RCC2: variants seen among roughly 807,000 people sequenced by gnomAD.
The protein encoded by RCC2 is regulator of chromosome condensation 2.
In RCC2, 19 loss-of-function variants were observed where a neutral mutation model predicts 64.1. The ratio of observed to expected loss-of-function variants is 0.30; its 90% confidence interval spans 0.21 to 0.44. The LOEUF is 0.44. Ranked by LOEUF, RCC2 falls within the 20% of genes least tolerant of loss-of-function variation. RCC2 has a pLI of 1.00. For synonymous variants in RCC2, 325 were observed against 279.6 expected (o/e 1.16, Z -1.62); for missense variants, 508 against 710.4 (o/e 0.72, Z 3.24).
chr1:17,430,739 G>A (rs550799677), intron 2 of RCC2, among the ~76,000 whole-genome samples: 2 of 151,602 alleles, frequency 1.3e-5, no homozygotes, highest in African/African-American at 4.8e-5. Flanking sequence ...AGTAAGCTGA[G>A]ATTGCACCAT....
intron 3 of RCC2, among the ~76,000 whole-genome samples, chr1:17,426,611 C>T (rs1168116528): frequency 6.6e-6 from 1 of 152,146 alleles, no homozygotes; most frequent in Non-Finnish European, 1.5e-5. Flanking sequence ...CCACCCAGGG[C>T]TAAAGCTGTA....
chr1:17,425,951 G>A (rs1013107781), intron 3 of RCC2, among the ~76,000 whole-genome samples: 2 of 152,150 alleles, frequency 1.3e-5, no homozygotes, highest in African/African-American at 2.4e-5. Flanking sequence ...TTCGGCCCCA[G>A]CCCCCTCTCT....
In RCC2 at chr1:17,407,627, G is replaced by A. The variant is rs941161872; in HGVS notation, c.*1463C>T. The A allele has an allele frequency of 5.2e-5, 8 of 152,420 alleles. No individual in the cohort carries two copies. Among genetic ancestry groups the A allele is most frequent in the African/African-American group, 1.9e-4 (8 of 41,378 alleles). The allele number at this position is 152,420 out of a possible 1,614,324, so 9.4% of individuals were successfully genotyped here. A position where few individuals can be genotyped will look rare whatever the true frequency, so the allele number is the denominator to read the frequency against. On this transcript the variant is annotated 3_prime_UTR_variant, in exon 13 of 13. Coordinates refer to ENST00000375436, the MANE Select transcript of RCC2 (RefSeq NM_018715.4). ...AGTCACGGTAAGGAGCGACTGGGGT[G>A]GAAAATAGGGAAAAAAGCAACAACA...
chr1:17,429,023 A>C (rs2075647188), intron 3 of RCC2, 83 bp downstream of exon 3: 2 of 1,058,874 alleles, frequency 1.9e-6, no homozygotes, highest in Admixed American at 1.7e-5. Context: ...TTGTAAATGA[A>C]GGGAATACCT....
intron 2 of RCC2, among the ~76,000 whole-genome samples, chr1:17,434,254 T>C (rs895152023): frequency 1.3e-5 from 2 of 152,206 alleles, no homozygotes; most frequent in African/African-American, 4.8e-5. Flanking sequence ...GATGGGGCAG[T>C]GGGAGCCTAG....
chr1:17,416,945 AG>A (rs2075493432), intron 7 of RCC2, among the ~76,000 whole-genome samples: 1 of 152,220 alleles, frequency 6.6e-6, no homozygotes, highest in Non-Finnish European at 1.5e-5. Context: ...ATTCCAGGTA[AG>A]GTATTATACG....
intron 2 of RCC2, among the ~76,000 whole-genome samples, chr1:17,437,631 T>C (rs2075750053): frequency 2.2e-4 from 1 of 4,478 alleles, no homozygotes; most frequent in Admixed American, 2.3e-3. Context: ...CGAGCACCGC[T>C]CAGCCGGGGG....
chr1:17,416,859 C>G (rs544948788), intron 7 of RCC2, among the ~76,000 whole-genome samples: 1 of 152,278 alleles, frequency 6.6e-6, no homozygotes, highest in African/African-American at 2.4e-5. Flanking sequence ...GAGCTAAGAC[C>G]AGTTATTTTT....
rs1024717257 is a variant in RCC2 at position 17,416,737 on chromosome 1, A to G, written c.860-91T>C. On this transcript the variant is annotated intron_variant, in intron 7 of 12. Transcript: ENST00000375436. ...CACGGACTCTGTAGTGAGCCCCGGC[A>G]GCACCCCAATCTGGCCCTTCTGGGC... 2.2e-6 allele frequency: 3 copies of G among 1,374,916 alleles called. No individual in the cohort carries two copies. In the African/African-American group the frequency reaches 4.3e-5, roughly 20 times the overall value. The allele number at this position is 1,374,916 out of a possible 1,614,324, so 85.2% of individuals were successfully genotyped here. A position where few individuals can be genotyped will look rare whatever the true frequency, so the allele number is the denominator to read the frequency against.
At chr1:17,437,959 C>T (rs1047604226) in intron 2 of RCC2, among the ~76,000 whole-genome samples, 4 of 146,196 alleles carry the variant, frequency 2.7e-5, no homozygotes, top group Non-Finnish European at 6.1e-5. Context: ...TTCGGCCGCC[C>T]CTCCCCCGCC....
intron 10 of RCC2, 114 bp downstream of exon 10, chr1:17,412,959 C>T: frequency 2.7e-6 from 2 of 742,724 alleles, no homozygotes; most frequent in Non-Finnish European, 2.3e-6. Context: ...CTGCTGAGGA[C>T]AGCCCAACAG....
chr1:17,409,947 C>T (rs774817750), intron 12 of RCC2, 27 bp downstream of exon 12: 27 of 1,601,464 alleles, frequency 1.7e-5, no homozygotes, highest in East Asian at 8.9e-5. Context: ...GACACGTCCC[C>T]GAGCTGGCAC....
At chr1:17,423,890 T>C (rs1444558148) in intron 4 of RCC2, among the ~76,000 whole-genome samples, 1 of 152,210 alleles carries the variant, frequency 6.6e-6, no homozygotes, top group Non-Finnish European at 1.5e-5. Flanking sequence ...GGAGAAGGCT[T>C]GCAGGAGCAG....
chr1:17,437,651 A>G (rs1489365957), intron 2 of RCC2, among the ~76,000 whole-genome samples: 1 of 4,282 alleles, frequency 2.3e-4, no homozygotes, highest in African/African-American at 1.8e-3. Context: ...GGCTTCCCCG[A>G]CCTCGGGGGA....
intron 3 of RCC2, among the ~76,000 whole-genome samples, chr1:17,427,738 G>A (rs1557631074): frequency 6.6e-6 from 1 of 152,070 alleles, no homozygotes; most frequent in Non-Finnish European, 1.5e-5. Flanking sequence ...TTTCCCTGCA[G>A]TGCCCAGGAT....
rs2075377189 is a variant in RCC2 at position 17,407,675 on chromosome 1, A to C, written c.*1415T>G. ...ACAACTACATCATTTTTGGCATTTT[A>C]ACATGGAGACAGTGACAAGTGGTAA... On this transcript the variant is annotated 3_prime_UTR_variant, in exon 13 of 13. Coordinates refer to ENST00000375436, the MANE Select transcript of RCC2 (RefSeq NM_018715.4). 6.6e-6 allele frequency: 1 copy of C among 152,648 alleles called. No individual in the cohort carries two copies. The highest frequency in any genetic ancestry group is 1.5e-5 in the Non-Finnish European group (1 of 68,028). 9.5% of individuals were successfully genotyped at this position (152,648 alleles called of 1,614,324 possible). A position where few individuals can be genotyped will look rare whatever the true frequency, so the allele number is the denominator to read the frequency against.
chr1:17,425,667 C>A lies in RCC2; in HGVS notation c.397G>T (p.Gly133Cys). 1 of 1,612,426 alleles carries A rather than the reference C, an allele frequency of 6.2e-7. No homozygotes were observed. Among genetic ancestry groups the A allele is most frequent in the Non-Finnish European group, 8.5e-7 (1 of 1,178,786 alleles). Residue 133 changes from glycine to cysteine, a missense_variant, in exon 4 of 13, where the codon GGT becomes TGT. Coordinates refer to ENST00000375436, the MANE Select transcript of RCC2 (RefSeq NM_018715.4). ...PKQQAAYRNL[G>C]QNLWGPHRYG... ...CTGTGGGGCCCCCACAAATTCTGACCGAGATTGCGGTAAGCAGCTGCAGAG... is the reference window on the plus strand; with the variant it reads ...CTGTGGGGCCCCCACAAATTCTGACAGAGATTGCGGTAAGCAGCTGCAGAG...
chr1:17,409,249 G>T lies in RCC2; in HGVS notation c.1465-55C>A. On this transcript the variant is annotated intron_variant, in intron 12 of 12. Coordinates refer to ENST00000375436, the MANE Select transcript of RCC2 (RefSeq NM_018715.4). ...CTGAGGCGCCTGGACTAATCAATGC[G>T]TTGAAGAGACTCTGGAAACTGGGCT... 2.7e-6 allele frequency: 3 copies of T among 1,118,942 alleles called. No individual in the cohort carries two copies. The East Asian group carries it at 7.0e-5, about 26-fold the overall frequency. 69.3% of individuals were successfully genotyped at this position (1,118,942 alleles called of 1,614,324 possible). A position where few individuals can be genotyped will look rare whatever the true frequency, so the allele number is the denominator to read the frequency against.
At chr1:17,419,426 T>G (rs922674124) in intron 7 of RCC2, among the ~76,000 whole-genome samples, 2 of 152,096 alleles carry the variant, frequency 1.3e-5, no homozygotes, top group African/African-American at 4.8e-5. Flanking sequence ...CATGAGTGTG[T>G]GTGGATGAGA....
Sources: allele counts gnomAD v4.1 joint callset (sites outside exome capture counted in the v4.1 genomes callset), GRCh38; gene constraint gnomAD v4.1.1; transcripts MANE v1.5; gene names NCBI Gene and HGNC (gene_info 2026-07-23, HGNC 2026-07-21).